The following TENM2 variants were observed in gnomAD, a reference collection of about 807,000 sequenced individuals.
TENM2 encodes teneurin transmembrane protein 2.
TENM2 carries 52 observed loss-of-function variants against 245.2 expected under a neutral mutation model. The ratio of observed to expected loss-of-function variants is 0.21; its 90% CI spans 0.17 to 0.27. The LOEUF (loss-of-function observed/expected upper bound fraction) is 0.27, where lower values mean the gene tolerates loss of function less well. Among genes scored for constraint, TENM2 ranks in the 10% least tolerant of loss-of-function variants. TENM2 has a pLI of 1.00. For missense variants in TENM2, 3,046 were observed against 3,666.8 expected, an observed-to-expected ratio of 0.83 and a Z score of 4.37; for synonymous variants, 1,363 against 1,438.9, an observed-to-expected ratio of 0.95 and a Z score of 1.19.
At chr5:167,901,094 C>G (rs1775666784) in intron 3 of TENM2, among the ~76,000 whole-genome samples, 1 of 151,988 alleles carries the variant, frequency 6.6e-6, no homozygotes, top group African/African-American at 2.4e-5. Flanking sequence ...TATGCATGTG[C>G]AATTTAAGAA....
the TENM2 span, among the ~76,000 whole-genome samples, chr5:167,139,303 G>T: frequency 1.3e-5 from 2 of 152,210 alleles, no homozygotes; most frequent in African/African-American, 4.8e-5. Flanking sequence ...CATAGAAGAA[G>T]GCAATGAGAA....
At chr5:167,332,836 A>G (rs1018312078) in intron 1 of TENM2, among the ~76,000 whole-genome samples, 2 of 152,166 alleles carry the variant, frequency 1.3e-5, no homozygotes, top group African/African-American at 4.8e-5. Flanking sequence ...TATTACAGTA[A>G]AATAATAATA....
intron 1 of TENM2, among the ~76,000 whole-genome samples, chr5:167,353,586 C>T (rs537935833): frequency 1.1e-4 from 15 of 132,546 alleles, no homozygotes; most frequent in Non-Finnish European, 1.7e-4. Context: ...CGGCTCACTG[C>T]AAGCTCCGCC....
intron 15 of TENM2, among the ~76,000 whole-genome samples, chr5:168,198,176 T>C (rs1027141286): frequency 6.7e-6 from 1 of 149,130 alleles, no homozygotes; most frequent in Non-Finnish European, 1.5e-5. Flanking sequence ...TGTAACTGTA[T>C]GCCAATGAAC....
intron 2 of TENM2, among the ~76,000 whole-genome samples, chr5:167,775,312 A>T (rs891698311): frequency 1.9e-4 from 29 of 152,304 alleles, no homozygotes; most frequent in Non-Finnish European, 3.4e-4. Flanking sequence ...AGTAAGCAGG[A>T]GGAAACCAGG....
intron 4 of TENM2, among the ~76,000 whole-genome samples, chr5:167,954,457 G>A (rs1322366635): frequency 6.6e-6 from 1 of 152,036 alleles, no homozygotes; most frequent in African/African-American, 2.4e-5. Flanking sequence ...CTACGTATCG[G>A]GTATTATGCT....
At chr5:167,796,912 A>ATT (rs200837345) in intron 2 of TENM2, among the ~76,000 whole-genome samples, 2 of 146,854 alleles carry the variant, frequency 1.4e-5, no homozygotes, top group South Asian at 4.3e-4. Flanking sequence ...TTGAGGATAG[A>ATT]TTTTTTTTTT....
At chr5:167,768,131 T>C (rs1763162342) in intron 2 of TENM2, among the ~76,000 whole-genome samples, 1 of 152,180 alleles carries the variant, frequency 6.6e-6, no homozygotes, top group African/African-American at 2.4e-5. Flanking sequence ...CTGTGCTGTG[T>C]TGACATTCAT....
At chr5:167,843,764 G>C (rs988529654) in intron 2 of TENM2, among the ~76,000 whole-genome samples, 1 of 152,086 alleles carries the variant, frequency 6.6e-6, no homozygotes, top group East Asian at 1.9e-4. Context: ...TAATAATGAT[G>C]ATAAAGGTTT....
chr5:167,033,016 G>T, the TENM2 span, among the ~76,000 whole-genome samples: 921 of 152,220 alleles, frequency 6.1e-3, 14 homozygotes, highest in African/African-American at 0.021. Flanking sequence ...TACCAAGTAG[G>T]TTCATGTAGG....
intron 2 of TENM2, among the ~76,000 whole-genome samples, chr5:167,645,839 C>A (rs1779892432): frequency 1.3e-5 from 2 of 151,876 alleles, no homozygotes. Flanking sequence ...TATACACACA[C>A]CTATATATGT....
At chr5:167,365,385 A>G (rs993366522) in intron 1 of TENM2, among the ~76,000 whole-genome samples, 9 of 94,982 alleles carry the variant, frequency 9.5e-5, no homozygotes, top group Non-Finnish European at 2.0e-4. Flanking sequence ...GAAGGATGAG[A>G]AAAAAAAAAC....
chr5:168,058,823 C>T (rs1194660176), intron 6 of TENM2, among the ~76,000 whole-genome samples: 1 of 152,038 alleles, frequency 6.6e-6, no homozygotes, highest in Non-Finnish European at 1.5e-5. Context: ...GCAATTATTT[C>T]ATGATTATTT....
chr5:168,249,509 G>T (rs547277664), intron 27 of TENM2, among the ~76,000 whole-genome samples: 2 of 150,088 alleles, frequency 1.3e-5, no homozygotes, highest in Admixed American at 6.6e-5. Flanking sequence ...TTCAAGATTG[G>T]CATAATACAG....
chr5:167,025,437 C>G, the TENM2 span, among the ~76,000 whole-genome samples: 1 of 152,014 alleles, frequency 6.6e-6, no homozygotes, highest in Admixed American at 6.6e-5. Context: ...TAAAAGTTTT[C>G]CAATAACTGA....
the TENM2 span, among the ~76,000 whole-genome samples, chr5:167,003,758 A>C: frequency 6.6e-6 from 1 of 152,186 alleles, no homozygotes; most frequent in Non-Finnish European, 1.5e-5. Context: ...AAATGTAGTG[A>C]CTAAATACTT....
At chr5:168,099,156 C>T (rs1245980572) in intron 9 of TENM2, among the ~76,000 whole-genome samples, 1 of 152,022 alleles carries the variant, frequency 6.6e-6, no homozygotes, top group African/African-American at 2.4e-5. Flanking sequence ...GTCATCCGCC[C>T]ACCTTATCCT....
chr5:167,419,799 A>G (rs1242108265), intron 2 of TENM2, among the ~76,000 whole-genome samples: 2 of 152,206 alleles, frequency 1.3e-5, no homozygotes, highest in Non-Finnish European at 2.9e-5. Flanking sequence ...AGTTAAGATT[A>G]TCCGAAAAGG....
intron 13 of TENM2, among the ~76,000 whole-genome samples, chr5:168,170,341 T>TA (rs1432277502): frequency 6.6e-6 from 1 of 151,944 alleles, no homozygotes; most frequent in African/African-American, 2.4e-5. Context: ...CTGTCTCTAC[T>TA]AAAAATACAA....
Sources: allele counts gnomAD v4.1 joint callset (sites outside exome capture counted in the v4.1 genomes callset), GRCh38; gene constraint gnomAD v4.1.1; transcripts MANE v1.5; gene names NCBI Gene and HGNC (gene_info 2026-07-23, HGNC 2026-07-21).